GPHN: variants seen among roughly 807,000 people sequenced by gnomAD.
GPHN encodes gephyrin.
GPHN carries 17 observed loss-of-function variants against 95.5 expected under a neutral mutation model. The observed-to-expected ratio is 0.18, with a 90% CI of 0.12 to 0.27. GPHN has a LOEUF of 0.27. Among genes scored for constraint, GPHN ranks in the 10% least tolerant of loss-of-function variants. The pLI is 1.00. For synonymous variants in GPHN, 320 were observed against 322.5 expected, an observed-to-expected ratio of 0.99 and a Z score of 0.08; for missense variants, 660 against 978.1, an observed-to-expected ratio of 0.67 and a Z score of 4.34.
At chr14:66,654,057 A>G (rs1018654811) in intron 1 of GPHN, among the ~76,000 whole-genome samples, 81 of 152,202 alleles carry the variant, frequency 5.3e-4, no homozygotes, top group Non-Finnish European at 6.6e-4. Context: ...GAATGATCCA[A>G]TTCTTTCCAT....
chr14:67,689,967 C>T, the GPHN span: 1 of 416,084 alleles, frequency 2.4e-6, no homozygotes, highest in African/African-American at 2.0e-5. Flanking sequence ...AGTTAAGTAA[C>T]TTGCTATAGA....
chr14:67,278,843 G>C, the GPHN span, among the ~76,000 whole-genome samples: 1 of 151,880 alleles, frequency 6.6e-6, no homozygotes, highest in African/African-American at 2.4e-5. Context: ...GGGGGAGGGG[G>C]GAATCTTGAT....
rs78426345 is a variant in GPHN, at chr14:66,568,434, A to G, written c.64+59843A>G. ...TGGTAACAGTGCCATCTACTGAGTC[A>G]TCAACATGATATACCGTCTATATTT... On this transcript the variant is annotated intron_variant, in intron 1 of 22. Transcript: ENST00000478722. Among the ~76,000 whole-genome samples the G allele has an allele frequency of 7.2e-3, 1,090 of 152,306 alleles. 73 individuals are homozygous for G. The East Asian group carries it at 0.17, about 23-fold the overall frequency.
chr14:67,607,626 A>G, the GPHN span, among the ~76,000 whole-genome samples: 1 of 152,136 alleles, frequency 6.6e-6, no homozygotes, highest in Non-Finnish European at 1.5e-5. Flanking sequence ...CGGCCTCCCA[A>G]AGTGCTGGGA....
chr14:66,729,886 A>T (rs1488715185), intron 2 of GPHN, among the ~76,000 whole-genome samples: 2 of 152,070 alleles, frequency 1.3e-5, no homozygotes, highest in Non-Finnish European at 2.9e-5. Flanking sequence ...CTGGTAGAAA[A>T]TTTTTTCAGT....
intron 1 of GPHN, among the ~76,000 whole-genome samples, chr14:66,543,784 C>T (rs887598287): frequency 6.6e-6 from 1 of 152,150 alleles, no homozygotes; most frequent in African/African-American, 2.4e-5. Flanking sequence ...GTCAATTCCC[C>T]ACCACTTTCA....
the GPHN span, among the ~76,000 whole-genome samples, chr14:67,560,420 A>T: frequency 6.6e-6 from 1 of 152,332 alleles, no homozygotes; most frequent in African/African-American, 2.4e-5. Context: ...CAATTCAGCA[A>T]TTCAGTGGCA....
the GPHN span, chr14:67,208,096 C>A: frequency 1.3e-6 from 2 of 1,483,786 alleles, no homozygotes; most frequent in Non-Finnish European, 1.8e-6. Context: ...CACGGGTGCT[C>A]AGTGACGATG....
At chr14:66,978,666 T>A (rs1023346603) in intron 9 of GPHN, among the ~76,000 whole-genome samples, 5 of 152,180 alleles carry the variant, frequency 3.3e-5, no homozygotes, top group African/African-American at 1.2e-4. Context: ...TAAACATCCA[T>A]ATGGTTGGAA....
At chr14:67,384,542 G>A in the GPHN span, 1 of 151,918 alleles carries the variant, frequency 6.6e-6, no homozygotes, top group Non-Finnish European at 1.5e-5. Context: ...GATACTTGAG[G>A]TACCAGTTGT....
At chr14:67,047,261 C>T (rs1285136024) in intron 10 of GPHN, among the ~76,000 whole-genome samples, 7 of 150,834 alleles carry the variant, frequency 4.6e-5, no homozygotes, top group Non-Finnish European at 7.4e-5. Context: ...AACATCAGAA[C>T]ATCTTGTTTC....
chr14:67,691,335 G>A, the GPHN span: 2 of 771,142 alleles, frequency 2.6e-6, no homozygotes, highest in Admixed American at 2.1e-5. Flanking sequence ...TGAAAATGAG[G>A]ATGCAGGACT....
the GPHN span, among the ~76,000 whole-genome samples, chr14:67,635,047 C>A: frequency 6.6e-6 from 1 of 152,074 alleles, no homozygotes; most frequent in African/African-American, 2.4e-5. Flanking sequence ...GGGTTTGAGA[C>A]CAGCCTCGGT....
At chr14:67,391,269 A>G in the GPHN span, among the ~76,000 whole-genome samples, 17 of 139,646 alleles carry the variant, frequency 1.2e-4, no homozygotes, top group Admixed American at 1.1e-3. Flanking sequence ...TAAGCAGCTG[A>G]TATGTGTGTG....
chr14:67,380,575 T>C, the GPHN span: 1 of 607,028 alleles, frequency 1.6e-6, no homozygotes, highest in Non-Finnish European at 2.7e-6. Flanking sequence ...TTAACTATTA[T>C]ATGCATTGTT....
chr14:67,198,419 G>C, the GPHN span: 1 of 1,152,862 alleles, frequency 8.7e-7, no homozygotes, highest in Non-Finnish European at 1.2e-6. Flanking sequence ...TAAATGTGCC[G>C]AGGGAATGTG....
intron 12 of GPHN, among the ~76,000 whole-genome samples, chr14:67,095,379 C>T (rs888217252): frequency 3.3e-5 from 5 of 152,144 alleles, no homozygotes; most frequent in African/African-American, 1.2e-4. Context: ...GGCGATTCCT[C>T]AGGGATCTAG....
the GPHN span, among the ~76,000 whole-genome samples, chr14:67,597,558 A>C: frequency 2.3e-4 from 35 of 152,296 alleles, no homozygotes; most frequent in Non-Finnish European, 4.6e-4. Context: ...TGATTGATGA[A>C]TGGAGGATTC....
the GPHN span, among the ~76,000 whole-genome samples, chr14:67,377,374 G>A: frequency 1.3e-5 from 2 of 152,000 alleles, no homozygotes; most frequent in Admixed American, 6.6e-5. Flanking sequence ...CTCTGCTCCT[G>A]GTCAGTTCTT....
Sources: gnomAD v4.1 joint callset for allele counts (sites outside exome capture counted in the v4.1 genomes callset) on GRCh38, gnomAD v4.1.1 for gene constraint, MANE v1.5 for transcripts, NCBI Gene and HGNC (gene_info 2026-07-23, HGNC 2026-07-21) for gene names.